Variants in ZNF44 observed in about 807,000 individuals in gnomAD.
ZNF44 encodes the protein gonadotropin inducible transcription repressor-2.
Under a neutral mutation model 11.7 loss-of-function variants are expected in ZNF44, and 9 were observed. That is an observed-to-expected ratio of 0.77 (90% CI 0.46 to 1.35). ZNF44 has a LOEUF of 1.35. Ranked by LOEUF, ZNF44 falls within the 40% of genes most tolerant of loss-of-function variation. The pLI is 0.00. For missense variants in ZNF44, 696 were observed against 743.1 expected (o/e 0.94, Z 0.74); for synonymous variants, 224 against 242.7 (o/e 0.92, Z 0.72).
chr19:12,234,294 T>C (rs1441511074), intron 2 of ZNF44, among the ~76,000 whole-genome samples: 1 of 152,222 alleles, frequency 6.6e-6, no homozygotes, highest in Admixed American at 6.5e-5. Context: ...TTATAAATAC[T>C]TCAACATCTA....
chr19:12,259,793 T>C (rs1917420997), intron 5 of ZNF44, among the ~76,000 whole-genome samples: 1 of 152,200 alleles, frequency 6.6e-6, no homozygotes, highest in Admixed American at 6.5e-5. Context: ...GCCATGGGTG[T>C]TATCCCCCAC....
In ZNF44 at chr19:12,273,864, G is replaced by A. The variant is rs372858594; in HGVS notation, c.391C>T (p.Arg131Trp). The A allele has an allele frequency of 8.9e-5, 143 of 1,614,090 alleles. No individual in the cohort carries two copies. The highest frequency in any genetic ancestry group is 1.1e-4 in the Non-Finnish European group (128 of 1,180,024). Reference sequence around the variant, plus strand: ...TTCTCTGCATATTCATGACACTCCCGGTGTTTGTGTCCAGTATCAACTCTG... The same window carrying A: ...TTCTCTGCATATTCATGACACTCCCAGTGTTTGTGTCCAGTATCAACTCTG... ...YIRVDTGHKH[R>W]ECHEYAEKSY... is the part of the protein sequence containing the mutation. The change falls in exon 4 of 4, where the codon CGG becomes TGG. Residue 131 changes from arginine to tryptophan, a missense_variant. Coordinates refer to ENST00000355684, the MANE Select transcript of ZNF44 (RefSeq NM_016264.4).
rs771276956 is a variant in ZNF44 at position 12,273,068 on chromosome 19, G to A, written c.1187C>T (p.Thr396Ile). The A allele has an allele frequency of 2.5e-6, 4 of 1,612,730 alleles. No homozygotes were observed. In the African/African-American group the frequency reaches 4.0e-5, roughly 16 times the overall value. The change falls in exon 4 of 4, where the codon ACA becomes ATA. Residue 396 changes from threonine (T) to isoleucine (I), a missense_variant. Physicochemically the swap from Thr to Ile is moderately conservative, Grantham distance 89. Coordinates refer to ENST00000355684, the MANE Select transcript of ZNF44 (RefSeq NM_016264.4). The part of the protein sequence containing the change: ...AHTGDGPHKC[T>I]VCGKAFDSPS... Reference sequence around the variant, plus strand: ...AGAATCAAAGGCTTTCCCACATACTGTGCATTTATGAGGGCCATCTCCAGT... The same window carrying A: ...AGAATCAAAGGCTTTCCCACATACTATGCATTTATGAGGGCCATCTCCAGT...
chr19:12,246,188 A>T (rs1916763601), downstream of ZNF44, among the ~76,000 whole-genome samples: 1 of 152,142 alleles, frequency 6.6e-6, no homozygotes, highest in Non-Finnish European at 1.5e-5. Context: ...GATTCTAGAA[A>T]ATTTAGTTCA....
At chr19:12,252,153 C>CA (rs1917033383) in intron 5 of ZNF44, among the ~76,000 whole-genome samples, 1 of 151,904 alleles carries the variant, frequency 6.6e-6, no homozygotes, top group African/African-American at 2.4e-5. Flanking sequence ...AAAAGGTTCT[C>CA]AGCAGAGGTT....
intron 5 of ZNF44, among the ~76,000 whole-genome samples, chr19:12,259,040 A>G (rs1436625056): frequency 1.3e-5 from 2 of 151,820 alleles, no homozygotes; most frequent in Non-Finnish European, 2.9e-5. Context: ...ACACCCGGCT[A>G]ATTTTTGTAT....
downstream of ZNF44, among the ~76,000 whole-genome samples, chr19:12,270,016 C>T (rs1966901078): frequency 6.6e-6 from 1 of 152,168 alleles, no homozygotes; most frequent in African/African-American, 2.4e-5. Context: ...AGCAAATTGA[C>T]TCCTTCACAG....
downstream of ZNF44, chr19:12,226,021 G>A (rs979719097): frequency 3.3e-5 from 5 of 152,106 alleles, no homozygotes; most frequent in Non-Finnish European, 7.4e-5. Flanking sequence ...GGCAACACCA[G>A]GATTTAACAA....
intron 5 of ZNF44, among the ~76,000 whole-genome samples, chr19:12,256,912 T>A (rs890305044): frequency 6.6e-6 from 1 of 152,064 alleles, no homozygotes; most frequent in Non-Finnish European, 1.5e-5. Flanking sequence ...TTTGCCATGT[T>A]GGCCAGGCTG....
chr19:12,262,395 C>T (rs1234695227), intron 5 of ZNF44, among the ~76,000 whole-genome samples: 3 of 151,906 alleles, frequency 2.0e-5, no homozygotes, highest in South Asian at 2.1e-4. Flanking sequence ...CTCAGCCTCC[C>T]GAGTAGCTGA....
downstream of ZNF44, among the ~76,000 whole-genome samples, chr19:12,246,823 C>T (rs570900399): frequency 2.0e-5 from 3 of 149,928 alleles, no homozygotes; most frequent in Non-Finnish European, 4.4e-5. Context: ...CCTAGAAGTC[C>T]GCGGCCAGCC....
At chr19:12,289,770 G>A (rs1353719520) in intron 1 of ZNF44, among the ~76,000 whole-genome samples, 4 of 149,030 alleles carry the variant, frequency 2.7e-5, no homozygotes, top group Admixed American at 1.4e-4. Flanking sequence ...TCAGCCTCCC[G>A]AGTAGCACCC....
downstream of ZNF44, among the ~76,000 whole-genome samples, chr19:12,225,692 A>C (rs749166207): frequency 2.8e-4 from 43 of 152,218 alleles, no homozygotes; most frequent in Non-Finnish European, 5.0e-4. Context: ...AGCAATTCCC[A>C]CACGGGTGGC....
chr19:12,294,557 C>T (rs2145780382), intron 1 of ZNF44, 135 bp downstream of exon 1: 2 of 1,253,922 alleles, frequency 1.6e-6, no homozygotes, highest in South Asian at 1.4e-5. Context: ...GACCGAGGAC[C>T]GAGGTGCGCA....
At chr19:12,276,292 G>A (rs1967217094) in intron 1 of ZNF44, 3 of 659,394 alleles carry the variant, frequency 4.5e-6, no homozygotes, top group Admixed American at 2.2e-5. Context: ...AGTTGAGTAG[G>A]AACATATCTC....
intron 1 of ZNF44, among the ~76,000 whole-genome samples, chr19:12,286,598 C>T (rs1029964923): frequency 1.3e-4 from 20 of 151,586 alleles, no homozygotes; most frequent in African/African-American, 4.9e-4. Context: ...GATTGTGCTA[C>T]TGCACTCCAG....
At chr19:12,275,412 G>A (rs1967172661) in intron 2 of ZNF44, among the ~76,000 whole-genome samples, 1 of 152,156 alleles carries the variant, frequency 6.6e-6, no homozygotes, top group Non-Finnish European at 1.5e-5. Flanking sequence ...ACTTTGGGAG[G>A]CCGAGGTGGG....
At chr19:12,288,646 G>A (rs571555976) in intron 1 of ZNF44, among the ~76,000 whole-genome samples, 1 of 151,248 alleles carries the variant, frequency 6.6e-6, no homozygotes, top group African/African-American at 2.4e-5. Flanking sequence ...GGAGGCTGAG[G>A]CAGGAGAATA....
upstream of ZNF44, among the ~76,000 whole-genome samples, chr19:12,241,702 C>G (rs1368754809): frequency 6.6e-6 from 1 of 152,076 alleles, no homozygotes; most frequent in Non-Finnish European, 1.5e-5. Flanking sequence ...TGCAATCAAT[C>G]AACCATGGAA....
Sources: allele counts gnomAD v4.1 joint callset (sites outside exome capture counted in the v4.1 genomes callset), GRCh38; gene constraint gnomAD v4.1.1; transcripts MANE v1.5; gene names NCBI Gene and HGNC (gene_info 2026-07-23, HGNC 2026-07-21).